LRMDA: variants seen among roughly 807,000 people sequenced by gnomAD.
LRMDA encodes leucine-rich melanocyte differentiation-associated protein.
In LRMDA, 18 loss-of-function variants were observed where a neutral mutation model predicts 29.8. That is an observed-to-expected ratio of 0.60 (90% CI 0.42 to 0.90). The LOEUF (loss-of-function observed/expected upper bound fraction) is 0.90. Among genes scored for constraint, LRMDA ranks in the 40% least tolerant of loss-of-function variants. The pLI is 0.00. For synonymous variants in LRMDA, 125 were observed against 109.4 expected (o/e 1.14, Z -0.89); for missense variants, 273 against 273.9 (o/e 1.00, Z 0.02).
At chr10:76,327,885 C>T (rs1010802068) in intron 6 of LRMDA, among the ~76,000 whole-genome samples, 2 of 152,174 alleles carry the variant, frequency 1.3e-5, no homozygotes, top group Non-Finnish European at 2.9e-5. Flanking sequence ...CAAAGCCTAA[C>T]TTCTAGATAG....
Position 76,301,483 on chromosome 10 carries a change from A to AT in LRMDA, c.517-22916dup, listed in dbSNP as rs1840479406. The stretch of plus-strand genomic sequence containing the variant: ...TAATAATACAGATCATTGCCCTTGG[A>AT]TTGAGGCTAAAGGGTAGGACCAAGT... On this transcript the variant is annotated intron_variant, in intron 5 of 6. Coordinates refer to ENST00000611255, the MANE Select transcript of LRMDA (RefSeq NM_001305581.2). Among the ~76,000 whole-genome samples the AT allele has an allele frequency of 7.9e-5, 12 of 152,310 alleles. No homozygotes were observed. In the South Asian group the frequency reaches 2.5e-3, roughly 32 times the overall value.
intron 6 of LRMDA, among the ~76,000 whole-genome samples, chr10:76,329,806 A>G (rs2132405216): frequency 1.3e-5 from 2 of 152,340 alleles, no homozygotes; most frequent in South Asian, 4.1e-4. Flanking sequence ...AATGTATGCC[A>G]TCCAAAAAAG....
At chr10:76,479,216 ATT>A (rs1842711673) in intron 6 of LRMDA, among the ~76,000 whole-genome samples, 1 of 151,808 alleles carries the variant, frequency 6.6e-6, no homozygotes, top group African/African-American at 2.4e-5. Flanking sequence ...AAATTTTCTT[ATT>A]TGTGGACCTT....
intron 5 of LRMDA, among the ~76,000 whole-genome samples, chr10:76,148,490 C>T (rs1850375132): frequency 6.6e-6 from 1 of 152,146 alleles, no homozygotes; most frequent in Non-Finnish European, 1.5e-5. Context: ...ACCCTCCGAG[C>T]CATGTGTGGG....
intron 5 of LRMDA, among the ~76,000 whole-genome samples, chr10:76,253,832 A>G (rs937659715): frequency 1.3e-5 from 2 of 152,268 alleles, no homozygotes; most frequent in African/African-American, 2.4e-5. Context: ...GTATAGGTCT[A>G]GACACCAGGC....
chr10:75,919,949 T>G (rs1846000210), intron 2 of LRMDA, among the ~76,000 whole-genome samples: 1 of 152,092 alleles, frequency 6.6e-6, no homozygotes, highest in South Asian at 2.1e-4. Context: ...TTATTAATAA[T>G]TATCTCTCTC....
intron 6 of LRMDA, among the ~76,000 whole-genome samples, chr10:76,527,033 A>G (rs961859206): frequency 1.3e-4 from 18 of 139,408 alleles, no homozygotes; most frequent in African/African-American, 4.9e-4. Context: ...AAAATGCCCT[A>G]AATTATCAGG....
intron 2 of LRMDA, among the ~76,000 whole-genome samples, chr10:75,544,055 C>T (rs532151932): frequency 6.6e-6 from 1 of 152,238 alleles, no homozygotes; most frequent in South Asian, 2.1e-4. Flanking sequence ...CAGGGACATC[C>T]TTAAAAACTC....
rs543817383 is a variant in LRMDA, at chr10:76,345,318, C to T, written c.601+20833C>T. Among the ~76,000 whole-genome samples, 296 of 150,574 alleles carry T rather than the reference C, an allele frequency of 2.0e-3. 1 individual carries two copies. The highest frequency in any genetic ancestry group is 7.0e-3 in the Middle Eastern group (2 of 286). On this transcript the variant is annotated intron_variant, in intron 6 of 6. Transcript: ENST00000611255. ...CGATCTCCTGACCTCGTGATCCGCCCGCCTCGGCCTCCCAAAGTGCTGGGA... is the reference window on the plus strand; with the variant it reads ...CGATCTCCTGACCTCGTGATCCGCCTGCCTCGGCCTCCCAAAGTGCTGGGA...
chr10:75,768,164 G>T (rs1185685993), intron 2 of LRMDA, among the ~76,000 whole-genome samples: 4 of 152,172 alleles, frequency 2.6e-5, no homozygotes, highest in Admixed American at 6.5e-5. Context: ...AACAGCCATG[G>T]GAATCCAGTA....
At chr10:76,293,361 A>G (rs1310442439) in intron 5 of LRMDA, among the ~76,000 whole-genome samples, 1 of 152,212 alleles carries the variant, frequency 6.6e-6, no homozygotes, top group South Asian at 2.1e-4. Context: ...ACGAGAGGGT[A>G]ATGTTTGCCT....
At chr10:76,341,200 A>G (rs1010943447) in intron 6 of LRMDA, among the ~76,000 whole-genome samples, 2 of 152,186 alleles carry the variant, frequency 1.3e-5, no homozygotes, top group Non-Finnish European at 2.9e-5. Flanking sequence ...AGGCAAAGAA[A>G]GATGCCTGGT....
intron 2 of LRMDA, among the ~76,000 whole-genome samples, chr10:75,556,094 G>T (rs1175447311): frequency 6.6e-6 from 1 of 152,038 alleles, no homozygotes; most frequent in African/African-American, 2.4e-5. Context: ...TGGGGTGGGG[G>T]TGAATGAAAA....
At chr10:75,737,126 C>T (rs1419747851) in intron 2 of LRMDA, among the ~76,000 whole-genome samples, 1 of 152,186 alleles carries the variant, frequency 6.6e-6, no homozygotes, top group Non-Finnish European at 1.5e-5. Context: ...CACACATGCA[C>T]ACATGCCTCA....
intron 5 of LRMDA, among the ~76,000 whole-genome samples, chr10:76,135,684 G>T (rs1050291365): frequency 1.3e-5 from 2 of 151,990 alleles, no homozygotes; most frequent in African/African-American, 4.8e-5. Context: ...AGCCTCAGGT[G>T]CTCCTTGACT....
intron 2 of LRMDA, among the ~76,000 whole-genome samples, chr10:75,545,621 T>C (rs1299221390): frequency 6.6e-6 from 1 of 152,110 alleles, no homozygotes; most frequent in Non-Finnish European, 1.5e-5. Context: ...ATCTTGGAGA[T>C]CATCTTACTA....
intron 2 of LRMDA, among the ~76,000 whole-genome samples, chr10:75,441,714 A>T (rs1451346555): frequency 2.0e-5 from 3 of 152,166 alleles, no homozygotes; most frequent in East Asian, 3.9e-4. Flanking sequence ...TGTTATATAT[A>T]AAAAAATTAA....
chr10:76,066,032 A>G (rs1310456067), intron 5 of LRMDA, among the ~76,000 whole-genome samples: 3 of 152,250 alleles, frequency 2.0e-5, no homozygotes, highest in East Asian at 3.8e-4. Context: ...GCTTGTAATA[A>G]GCCACTAAGA....
At chr10:76,436,883 G>A (rs1842250287) in intron 6 of LRMDA, among the ~76,000 whole-genome samples, 1 of 152,114 alleles carries the variant, frequency 6.6e-6, no homozygotes, top group Non-Finnish European at 1.5e-5. Flanking sequence ...CTTTGTTAGG[G>A]GAGACTGCAG....
Sources: gnomAD v4.1 joint callset for allele counts (sites outside exome capture counted in the v4.1 genomes callset) on GRCh38, gnomAD v4.1.1 for gene constraint, MANE v1.5 for transcripts, NCBI Gene and HGNC (gene_info 2026-07-23, HGNC 2026-07-21) for gene names.